PTPRK: variants seen among roughly 807,000 people sequenced by gnomAD.
PTPRK encodes the protein protein tyrosine phosphatase receptor type K.
A neutral mutation model predicts 178.0 loss-of-function variants in PTPRK; 75 were observed. The ratio of observed to expected loss-of-function variants is 0.42; its 90% CI spans 0.35 to 0.51. The LOEUF is 0.51. PTPRK is among the 20% of genes least tolerant of loss of function. The pLI, the probability that PTPRK is intolerant of heterozygous loss-of-function variation, is 0.02. For missense variants in PTPRK, 1,441 were observed against 1,797.8 expected, an observed-to-expected ratio of 0.80 and a Z score of 3.59; for synonymous variants, 637 against 620.6, an observed-to-expected ratio of 1.03 and a Z score of -0.39.
intron 5 of PTPRK, among the ~76,000 whole-genome samples, chr6:128,219,586 G>A (rs2128272207): frequency 1.3e-5 from 2 of 152,276 alleles, no homozygotes; most frequent in South Asian, 2.1e-4. Flanking sequence ...GCAGCCTGGG[G>A]GTTGGGGACC....
intron 2 of PTPRK, among the ~76,000 whole-genome samples, chr6:128,377,006 T>C (rs1479840109): frequency 6.6e-6 from 1 of 152,182 alleles, no homozygotes. Flanking sequence ...TCAACAGGTC[T>C]CTAGGGAGTT....
In PTPRK at chr6:128,332,653, C is replaced by A. The variant is rs189125988; in HGVS notation, c.224-10343G>T. 5.4e-3 allele frequency among the ~76,000 whole-genome samples: 822 copies of A among 152,328 alleles called. 6 individuals carry two copies. The highest frequency in any genetic ancestry group is 6.7e-3 in the Non-Finnish European group (458 of 68,022). On this transcript the variant is annotated intron_variant, in intron 2 of 29. Coordinates refer to ENST00000368226, the MANE Select transcript of PTPRK (RefSeq NM_002844.4). The stretch of plus-strand genomic sequence containing the variant: ...GAGATGACAATGTTAAAGGGTGGTA[C>A]ACTTAAAAACTTCCAACTTAATGGC...
intron 7 of PTPRK, among the ~76,000 whole-genome samples, chr6:128,095,518 T>C (rs1787766053): frequency 6.6e-6 from 1 of 152,110 alleles, no homozygotes; most frequent in Admixed American, 6.6e-5. Context: ...AGGAAGGGGT[T>C]CATTGGCCCA....
intron 25 of PTPRK, among the ~76,000 whole-genome samples, chr6:127,977,823 G>C (rs1193427294): frequency 6.6e-6 from 1 of 152,132 alleles, no homozygotes; most frequent in Non-Finnish European, 1.5e-5. Flanking sequence ...TTTCCAAAGG[G>C]AGAAGTAGTA....
intron 1 of PTPRK, among the ~76,000 whole-genome samples, chr6:128,435,767 G>A (rs1318911562): frequency 6.6e-6 from 1 of 152,120 alleles, no homozygotes; most frequent in East Asian, 1.9e-4. Flanking sequence ...TTGGCCCTGG[G>A]TGAAGCTAGA....
At chr6:128,151,247 G>T (rs944944578) in intron 7 of PTPRK, among the ~76,000 whole-genome samples, 2 of 151,892 alleles carry the variant, frequency 1.3e-5, no homozygotes, top group African/African-American at 4.8e-5. Context: ...TTGTCCATTA[G>T]TAATGTACTT....
intron 2 of PTPRK, among the ~76,000 whole-genome samples, chr6:128,384,744 A>C (rs1177500420): frequency 6.6e-6 from 1 of 152,092 alleles, no homozygotes; most frequent in Non-Finnish European, 1.5e-5. Flanking sequence ...TTATTTGGTG[A>C]CCAGAAAAAA....
chr6:128,456,385 T>C (rs1279183881), intron 1 of PTPRK, among the ~76,000 whole-genome samples: 1 of 152,006 alleles, frequency 6.6e-6, no homozygotes, highest in Non-Finnish European at 1.5e-5. Context: ...ATCAGAAATA[T>C]TTGTAGATTC....
At chr6:128,132,235 C>T (rs995033758) in intron 7 of PTPRK, among the ~76,000 whole-genome samples, 7 of 152,030 alleles carry the variant, frequency 4.6e-5, no homozygotes, top group African/African-American at 1.7e-4. Flanking sequence ...AGTGCAGTGG[C>T]GCGATCTTGG....
intron 6 of PTPRK, among the ~76,000 whole-genome samples, chr6:128,193,226 A>G (rs1804163267): frequency 7.9e-6 from 1 of 126,504 alleles, no homozygotes; most frequent in South Asian, 2.7e-4. Flanking sequence ...AAAAGAACAC[A>G]TTCTAAGCAA....
At chr6:128,256,562 C>A (rs1049724077) in intron 3 of PTPRK, among the ~76,000 whole-genome samples, 1 of 151,812 alleles carries the variant, frequency 6.6e-6, no homozygotes, top group African/African-American at 2.4e-5. Flanking sequence ...CTCAGCCTCC[C>A]GAGTAACTGG....
intron 27 of PTPRK, among the ~76,000 whole-genome samples, chr6:127,975,873 A>T (rs1387834437): frequency 2.1e-5 from 3 of 144,636 alleles, no homozygotes; most frequent in Admixed American, 6.7e-5. Flanking sequence ...GGGTTTCACC[A>T]CGTTGCCAGG....
At chr6:128,149,697 T>C (rs1796993951) in intron 7 of PTPRK, among the ~76,000 whole-genome samples, 1 of 152,176 alleles carries the variant, frequency 6.6e-6, no homozygotes, top group Non-Finnish European at 1.5e-5. Context: ...CTTGGTAAGG[T>C]CTCAATAAAT....
At chr6:128,467,203 C>T (rs1584856821) in intron 1 of PTPRK, among the ~76,000 whole-genome samples, 1 of 151,988 alleles carries the variant, frequency 6.6e-6, no homozygotes, top group Non-Finnish European at 1.5e-5. Flanking sequence ...GGTTTTGCCA[C>T]GTTGCCCAGG....
At chr6:128,068,066 A>T (rs1254574722) in intron 11 of PTPRK, among the ~76,000 whole-genome samples, 1 of 152,214 alleles carries the variant, frequency 6.6e-6, no homozygotes, top group Non-Finnish European at 1.5e-5. Flanking sequence ...AATGTTGAGG[A>T]ATGAGCCACC....
In PTPRK at chr6:127,973,291, AT is replaced by A. The variant is rs772523109; in HGVS notation, c.4134-135del. 2.8e-4 allele frequency: 407 copies of A among 1,431,986 alleles called. 3 individuals are homozygous for A. Among genetic ancestry groups the A allele is most frequent in the Admixed American group, 1.0e-3 (48 of 47,690 alleles). 88.7% of individuals were successfully genotyped at this position (1,431,986 alleles called of 1,614,324 possible). A position where few individuals can be genotyped will look rare whatever the true frequency, so the allele number is the denominator to read the frequency against. On this transcript the variant is annotated intron_variant, in intron 28 of 29. Transcript: ENST00000368226. ...CATTTGTGTCTTAATTTTGCTTTAT[AT>A]GTGTACAAGGCAGAGAGGAGAAAAC...
At chr6:128,075,456 C>T (rs533775390) in intron 11 of PTPRK, among the ~76,000 whole-genome samples, 1 of 152,004 alleles carries the variant, frequency 6.6e-6, no homozygotes, top group African/African-American at 2.4e-5. Context: ...ATCTGCAATT[C>T]GTAAATGCAT....
At chr6:128,290,780 T>A (rs989229915) in intron 3 of PTPRK, among the ~76,000 whole-genome samples, 1 of 152,044 alleles carries the variant, frequency 6.6e-6, no homozygotes, top group Admixed American at 6.6e-5. Context: ...ATTTTAAAAA[T>A]AGAGGATAAC....
At chr6:128,399,490 T>G (rs1165762009) in intron 1 of PTPRK, among the ~76,000 whole-genome samples, 52 of 152,240 alleles carry the variant, frequency 3.4e-4, no homozygotes, top group Non-Finnish European at 2.9e-5. Context: ...ATAAATGCTC[T>G]CATTAAAAAA....
Sources: allele counts gnomAD v4.1 joint callset (sites outside exome capture counted in the v4.1 genomes callset), GRCh38; gene constraint gnomAD v4.1.1; transcripts MANE v1.5; gene names NCBI Gene and HGNC (gene_info 2026-07-23, HGNC 2026-07-21).